CHCHD3: variants seen among roughly 807,000 people sequenced by gnomAD.
CHCHD3 encodes coiled-coil-helix-coiled-coil-helix domain containing 3.
CHCHD3 carries 20 observed loss-of-function variants against 38.2 expected under a neutral mutation model. The observed-to-expected ratio is 0.52, with a 90% CI of 0.37 to 0.76. The LOEUF is 0.76. Ranked by LOEUF, CHCHD3 falls within the 30% of genes least tolerant of loss-of-function variation. CHCHD3 has a pLI of 0.00. For missense variants in CHCHD3, 245 were observed against 279.2 expected, an observed-to-expected ratio of 0.88 and a Z score of 0.87; for synonymous variants, 82 against 100.0, an observed-to-expected ratio of 0.82 and a Z score of 1.07.
intron 4 of CHCHD3, among the ~76,000 whole-genome samples, chr7:132,895,924 T>C (rs545163560): frequency 1.3e-5 from 2 of 152,384 alleles, no homozygotes; most frequent in Non-Finnish European, 2.9e-5. Flanking sequence ...TGAAACTTTC[T>C]TGCAAAGAAA....
chr7:132,792,564 G>C (rs1026193149), intron 7 of CHCHD3, among the ~76,000 whole-genome samples: 110 of 152,160 alleles, frequency 7.2e-4, no homozygotes, highest in African/African-American at 2.5e-3. Context: ...ACAAATACTG[G>C]AGGTCTCAAA....
At chr7:132,898,441 G>A (rs1300450971) in intron 4 of CHCHD3, among the ~76,000 whole-genome samples, 1 of 152,200 alleles carries the variant, frequency 6.6e-6, no homozygotes. Context: ...GGCCCCACCA[G>A]AGTAGCTAGA....
chr7:132,908,588 G>C (rs1326745328), intron 4 of CHCHD3, among the ~76,000 whole-genome samples: 1 of 152,036 alleles, frequency 6.6e-6, no homozygotes, highest in Non-Finnish European at 1.5e-5. Context: ...CTCTGATAAA[G>C]ACTCCATCCT....
rs1251919239 is a variant in CHCHD3, at chr7:132,874,595, TC to T, written c.453+11066del. Among the ~76,000 whole-genome samples the T allele has an allele frequency of 1.2e-4, 18 of 152,192 alleles. 1 individual carries two copies. Among genetic ancestry groups the T allele is most frequent in the South Asian group, 6.2e-4 (3 of 4,802 alleles). On this transcript the variant is annotated intron_variant, in intron 5 of 7. Transcript: ENST00000262570. ...GGGAAGAATATTCTGGTTCAGACTT[TC>T]CATTGGTGGCATGCTACTGAAACCT...
intron 5 of CHCHD3, among the ~76,000 whole-genome samples, chr7:132,854,823 C>T (rs1226146928): frequency 6.6e-6 from 1 of 151,952 alleles, no homozygotes; most frequent in Non-Finnish European, 1.5e-5. Context: ...CTCTAACATT[C>T]ATATTCAAAA....
At chr7:132,907,841 T>TA (rs1809835312) in intron 4 of CHCHD3, among the ~76,000 whole-genome samples, 1 of 152,158 alleles carries the variant, frequency 6.6e-6, no homozygotes, top group South Asian at 2.1e-4. Context: ...GAATGACAGC[T>TA]ATGTTTCTAC....
chr7:132,865,671 T>G, intron 5 of CHCHD3, among the ~76,000 whole-genome samples: 1 of 147,344 alleles, frequency 6.8e-6, no homozygotes, highest in East Asian at 2.0e-4. Context: ...CAAAAGAAAC[T>G]GTTTTAAAGG....
chr7:132,802,089 C>T (rs1037283214), intron 6 of CHCHD3, among the ~76,000 whole-genome samples: 1 of 152,132 alleles, frequency 6.6e-6, no homozygotes, highest in African/African-American at 2.4e-5. Context: ...CCTCATACAC[C>T]CTAAACAGAT....
chr7:133,017,993 G>A (rs1475079582), intron 3 of CHCHD3, among the ~76,000 whole-genome samples: 1 of 152,270 alleles, frequency 6.6e-6, no homozygotes, highest in South Asian at 2.1e-4. Context: ...TGGCTAGGAC[G>A]TGTTCCTACT....
At chr7:132,835,149 AT>A (rs60504335) in intron 6 of CHCHD3, among the ~76,000 whole-genome samples, 115 of 138,782 alleles carry the variant, frequency 8.3e-4, no homozygotes, top group East Asian at 8.4e-4. Context: ...TAATTTTTGT[AT>A]TTTTTTTTTT....
At chr7:132,838,578 G>A in intron 5 of CHCHD3, 109 bp from the exon 6 acceptor site, 2 of 750,808 alleles carry the variant, frequency 2.7e-6, no homozygotes, top group Non-Finnish European at 4.5e-6. Flanking sequence ...CACTCAAGCA[G>A]TAGAAGACTT....
At chr7:133,000,583 G>A (rs1208351733) in intron 3 of CHCHD3, among the ~76,000 whole-genome samples, 1 of 152,136 alleles carries the variant, frequency 6.6e-6, no homozygotes, top group South Asian at 2.1e-4. Flanking sequence ...CTTATGTGAT[G>A]TTGTCACTTT....
intron 5 of CHCHD3, among the ~76,000 whole-genome samples, chr7:132,852,058 A>G (rs1289852866): frequency 1.3e-5 from 2 of 152,230 alleles, no homozygotes; most frequent in African/African-American, 4.8e-5. Context: ...GAAGCAGACA[A>G]ACATTAGCTC....
At position 132,804,444 on chromosome 7, in the gene CHCHD3, G is replaced by A. The variant is rs918388076; in HGVS notation, c.525-7867C>T. 2.6e-5 allele frequency among the ~76,000 whole-genome samples: 4 copies of A among 152,234 alleles called. No homozygotes were observed. The South Asian group carries it at 6.2e-4, about 24-fold the overall frequency. Reference sequence around the variant, plus strand: ...ATTTTATATGCTCATTCTCAGCTGAGGGGTGACTCGGGTGGTGCGAAGTTT... The same window carrying A: ...ATTTTATATGCTCATTCTCAGCTGAAGGGTGACTCGGGTGGTGCGAAGTTT... On this transcript the variant is annotated intron_variant, in intron 6 of 7. Transcript: ENST00000262570.
chr7:132,987,925 T>A (rs1484316805), intron 3 of CHCHD3, among the ~76,000 whole-genome samples: 2 of 152,180 alleles, frequency 1.3e-5, no homozygotes, highest in Non-Finnish European at 2.9e-5. Context: ...TTACACTTAA[T>A]AAATAATAAA....
chr7:132,805,305 T>C (rs532737636), intron 6 of CHCHD3, among the ~76,000 whole-genome samples: 9 of 149,560 alleles, frequency 6.0e-5, no homozygotes, highest in South Asian at 2.1e-4. Flanking sequence ...ACCATTCTAT[T>C]GTGCGTGGAC....
chr7:133,047,246 G>C (rs532975851), intron 2 of CHCHD3, among the ~76,000 whole-genome samples: 1 of 152,200 alleles, frequency 6.6e-6, no homozygotes, highest in East Asian at 1.9e-4. Flanking sequence ...AGGTAAAAGA[G>C]AACATTTCAC....
chr7:132,809,466 C>A (rs1169837104), intron 6 of CHCHD3, among the ~76,000 whole-genome samples: 1 of 152,132 alleles, frequency 6.6e-6, no homozygotes, highest in East Asian at 1.9e-4. Context: ...GAATGAATAG[C>A]CTGCAAAATG....
At chr7:133,010,518 A>T (rs1812837192) in intron 3 of CHCHD3, among the ~76,000 whole-genome samples, 1 of 152,158 alleles carries the variant, frequency 6.6e-6, no homozygotes, top group South Asian at 2.1e-4. Context: ...TATTATCGTA[A>T]TTTAATATAA....
Sources: gnomAD v4.1 joint callset for allele counts (sites outside exome capture counted in the v4.1 genomes callset) on GRCh38, gnomAD v4.1.1 for gene constraint, MANE v1.5 for transcripts, NCBI Gene and HGNC (gene_info 2026-07-23, HGNC 2026-07-21) for gene names.